STAB2: variants seen among roughly 807,000 people sequenced by gnomAD.
The protein encoded by STAB2 is stabilin 2, also known as stabilin-2.
STAB2 carries 288 observed loss-of-function variants against 338.1 expected under a neutral mutation model. The observed-to-expected ratio is 0.85, with a 90% confidence interval of 0.77 to 0.94. The LOEUF (loss-of-function observed/expected upper bound fraction) is 0.94, where lower values mean the gene tolerates loss of function less well. STAB2 is among the 40% of genes least tolerant of loss of function. The pLI, the probability that STAB2 is intolerant of heterozygous loss-of-function variation, is 0.00. For synonymous variants in STAB2, 1,202 were observed against 1,193.3 expected (o/e 1.01, Z -0.15); for missense variants, 3,141 against 3,210.1 (o/e 0.98, Z 0.52).
chr12:103,705,602 G>A, intron 36 of STAB2, 30 bp from the exon 37 acceptor site: 2 of 1,606,784 alleles, frequency 1.2e-6, no homozygotes, highest in Non-Finnish European at 1.7e-6. Context: ...TCCTAACTTA[G>A]GAGCTGACGT....
chr12:103,714,780 G>A (rs1323416715), intron 42 of STAB2, among the ~76,000 whole-genome samples: 4 of 151,276 alleles, frequency 2.6e-5, no homozygotes, highest in Admixed American at 6.6e-5. Flanking sequence ...TGTGTATATT[G>A]TATTCCCTTT....
chr12:103,640,285 T>A, intron 9 of STAB2, 29 bp downstream of exon 9: 1 of 1,595,084 alleles, frequency 6.3e-7, no homozygotes, highest in Middle Eastern at 1.7e-4. Context: ...TCCACCAACA[T>A]TTCCAAGTGG....
Position 103,688,171 on chromosome 12 carries a change from T to C in STAB2, c.3001T>C (p.Leu1001=), listed in dbSNP as rs1320818122. The change falls in exon 28 of 69, where the codon TTG becomes CTG. Residue 1001 remains leucine, a synonymous_variant. Transcript: ENST00000388887. ...TCCCTTGCATGATATGAATAAGGAATTGTCATTTCTCTCCGAAGCAGCTAT... is the reference window on the plus strand; with the variant it reads ...TCCCTTGCATGATATGAATAAGGAACTGTCATTTCTCTCCGAAGCAGCTAT... ...FLCYGNAAVE[L]SFLSEAAIFN... is the part of the protein sequence containing the mutation. 2.5e-6 allele frequency: 4 copies of C among 1,613,748 alleles called. No homozygotes were observed. Among genetic ancestry groups the C allele is most frequent in the Middle Eastern group, 1.6e-4 (1 of 6,062 alleles).
chr12:103,611,240 C>T (rs993654759), intron 3 of STAB2, among the ~76,000 whole-genome samples: 169 of 152,226 alleles, frequency 1.1e-3, no homozygotes, highest in Non-Finnish European at 1.8e-3. Flanking sequence ...TCCTGGATAT[C>T]CTTGTTAACT....
intron 52 of STAB2, among the ~76,000 whole-genome samples, chr12:103,736,994 GC>G (rs1286848562): frequency 6.6e-6 from 1 of 152,184 alleles, no homozygotes; most frequent in Non-Finnish European, 1.5e-5. Flanking sequence ...AGTTGATTAT[GC>G]CTGGTACATG....
chr12:103,620,645 ACACACACACGTG>A, intron 4 of STAB2, 92 bp downstream of exon 4: 2 of 1,047,038 alleles, frequency 1.9e-6, no homozygotes, highest in Non-Finnish European at 1.4e-6. Flanking sequence ...ACACACACAC[ACACACACACGTG>A]CACACACACA....
intron 65 of STAB2, among the ~76,000 whole-genome samples, chr12:103,760,315 C>T (rs1436478642): frequency 2.6e-5 from 4 of 152,196 alleles, no homozygotes; most frequent in African/African-American, 4.8e-5. Context: ...GGCTGGAGCA[C>T]AGTGGCACAA....
At chr12:103,648,575 C>G in intron 9 of STAB2, 115 bp from the exon 10 acceptor site, 1 of 1,387,854 alleles carries the variant, frequency 7.2e-7, no homozygotes, top group East Asian at 2.4e-5. Flanking sequence ...CTCTCTTGTC[C>G]CTATTCAACC....
chr12:103,757,055 AATAT>A (rs1884183917), intron 63 of STAB2, among the ~76,000 whole-genome samples: 1 of 143,500 alleles, frequency 7.0e-6, no homozygotes, highest in African/African-American at 2.5e-5. Context: ...AAAGTATGTA[AATAT>A]ATATTTTAAA....
Position 103,683,249 on chromosome 12 carries a change from CTG to C in STAB2, c.2853_2854del (p.Cys951Ter), listed in dbSNP as rs747970781. The C allele has an allele frequency of 2.0e-5, 33 of 1,612,352 alleles. No homozygotes were observed. In the South Asian group the frequency reaches 2.8e-4, roughly 13 times the overall value. ...AAGGATTTCGAGGAAATGGGATTGA[CTG>C]TGAACCAATAACTTCATGCTTGGAA... Reference protein sequence around the residue: ...KKGFRGNGIDCEPITSCLEQT... With the variant: ...KKGFRGNGIDXEPITSCLEQT... On this transcript the variant is annotated frameshift_variant, in exon 26 of 69. Transcript: ENST00000388887. LOFTEE classifies it high-confidence loss of function.
At chr12:103,637,805 A>G (rs1459446507) in intron 7 of STAB2, among the ~76,000 whole-genome samples, 1 of 152,264 alleles carries the variant, frequency 6.6e-6, no homozygotes, top group Non-Finnish European at 1.5e-5. Context: ...CTACACACAC[A>G]AAATGGCCTA....
At chr12:103,746,733 A>G in intron 58 of STAB2, 29 bp downstream of exon 58, 8 of 1,608,696 alleles carry the variant, frequency 5.0e-6, no homozygotes, top group Non-Finnish European at 6.8e-6. Context: ...CAGGTGAAAT[A>G]GCAGCATGGT....
At chr12:103,712,063 A>G (rs1879911321) in intron 40 of STAB2, among the ~76,000 whole-genome samples, 1 of 152,246 alleles carries the variant, frequency 6.6e-6, no homozygotes, top group Admixed American at 6.5e-5. Flanking sequence ...ATGACACAAA[A>G]TAATACATGA....
chr12:103,757,028 T>TATATAA (rs1228657505), intron 63 of STAB2, among the ~76,000 whole-genome samples: 1 of 143,508 alleles, frequency 7.0e-6, no homozygotes, highest in Non-Finnish European at 1.5e-5. Flanking sequence ...TATATATATA[T>TATATAA]ATAAAATATA....
At chr12:103,695,994 C>T (rs1352369161) in intron 33 of STAB2, 150 bp downstream of exon 33, 6 of 747,292 alleles carry the variant, frequency 8.0e-6, no homozygotes, top group Non-Finnish European at 1.3e-5. Context: ...CTCTCTCATA[C>T]ACAAACATCC....
intron 49 of STAB2, 104 bp downstream of exon 49, chr12:103,730,360 T>G: frequency 3.1e-6 from 4 of 1,309,900 alleles, no homozygotes; most frequent in Non-Finnish European, 4.3e-6. Context: ...TTTTTCTGCT[T>G]CAATCTCAAG....
chr12:103,683,482 C>A (rs1877119179), intron 26 of STAB2, among the ~76,000 whole-genome samples, 182 bp downstream of exon 26: 1 of 152,116 alleles, frequency 6.6e-6, no homozygotes, highest in African/African-American at 2.4e-5. Context: ...TTGGAAGAAC[C>A]AACATATGAC....
intron 31 of STAB2, among the ~76,000 whole-genome samples, chr12:103,694,013 G>A (rs1878186766): frequency 2.0e-5 from 3 of 151,840 alleles, no homozygotes; most frequent in Admixed American, 6.6e-5. Flanking sequence ...AGTACAAGAT[G>A]GCTGTTAATT....
chr12:103,636,996 T>A, intron 6 of STAB2, 115 bp from the exon 7 acceptor site: 2 of 1,201,602 alleles, frequency 1.7e-6, no homozygotes, highest in Non-Finnish European at 2.2e-6. Flanking sequence ...CTGTATTTTT[T>A]AAATTATTAC....
Sources: gnomAD v4.1 joint callset for allele counts (sites outside exome capture counted in the v4.1 genomes callset) on GRCh38, gnomAD v4.1.1 for gene constraint, MANE v1.5 for transcripts, NCBI Gene and HGNC (gene_info 2026-07-23, HGNC 2026-07-21) for gene names.